The following LARP4 variants were observed in gnomAD, a reference collection of about 807,000 sequenced individuals.
LARP4 encodes La ribonucleoprotein 4.
Under a neutral mutation model 92.9 loss-of-function variants are expected in LARP4, and 29 were observed. That is an observed-to-expected ratio of 0.31 (90% CI 0.23 to 0.43). LARP4 has a LOEUF of 0.43. LARP4 is among the 20% of genes least tolerant of loss of function. The pLI, the probability that LARP4 is intolerant of heterozygous loss-of-function variation, is 1.00. For missense variants in LARP4, 732 were observed against 860.0 expected, an observed-to-expected ratio of 0.85 and a Z score of 1.86; for synonymous variants, 279 against 284.1, an observed-to-expected ratio of 0.98 and a Z score of 0.18.
intron 3 of LARP4, 82 bp downstream of exon 3, chr12:50,429,172 T>A (rs1949261721): frequency 1.1e-6 from 1 of 926,992 alleles, no homozygotes; most frequent in Non-Finnish European, 1.7e-6. Context: ...CTTGTTCTGA[T>A]AAACCTATGG....
intron 12 of LARP4, among the ~76,000 whole-genome samples, 166 bp downstream of exon 12, chr12:50,462,796 A>G (rs1016055759): frequency 8.5e-5 from 13 of 152,110 alleles, no homozygotes; most frequent in Admixed American, 7.9e-4. Context: ...CACCACCCAT[A>G]TACCCACCCT....
At chr12:50,441,702 TA>T (rs762317976) in intron 8 of LARP4, 59 bp downstream of exon 8, 122 of 1,225,072 alleles carry the variant, frequency 1.0e-4, no homozygotes, top group Non-Finnish European at 1.4e-4. Flanking sequence ...TATGAGAATT[TA>T]AAAAATACAG....
At chr12:50,411,131 A>G (rs1179958606) in intron 1 of LARP4, among the ~76,000 whole-genome samples, 1 of 151,086 alleles carries the variant, frequency 6.6e-6, no homozygotes, top group South Asian at 2.1e-4. Context: ...TACAGTAGAA[A>G]CTCTACCCCT....
chr12:50,428,902 C>G (rs756104218), intron 2 of LARP4, 33 bp from the exon 3 acceptor site: 1 of 1,501,618 alleles, frequency 6.7e-7, no homozygotes, highest in Non-Finnish European at 9.0e-7. Context: ...TTAAATAATT[C>G]CCATTTACTT....
At chr12:50,422,527 A>AT (rs1444231499) in intron 1 of LARP4, among the ~76,000 whole-genome samples, 1 of 151,978 alleles carries the variant, frequency 6.6e-6, no homozygotes, top group Non-Finnish European at 1.5e-5. Context: ...ATAAACAGCA[A>AT]TTTTTTCTTT....
chr12:50,447,204 C>T (rs542009866), intron 8 of LARP4, among the ~76,000 whole-genome samples: 110 of 152,058 alleles, frequency 7.2e-4, no homozygotes, highest in Non-Finnish European at 1.4e-3. Flanking sequence ...TTTGGATTTT[C>T]GGATTTGGGA....
intron 2 of LARP4, among the ~76,000 whole-genome samples, chr12:50,428,200 G>T (rs902043682): frequency 1.4e-4 from 21 of 151,798 alleles, no homozygotes; most frequent in Admixed American, 2.0e-4. Flanking sequence ...GCTAATTTTT[G>T]TATTTTTAGT....
At chr12:50,428,904 C>G (rs1949217870) in intron 2 of LARP4, 31 bp from the exon 3 acceptor site, 1 of 1,506,378 alleles carries the variant, frequency 6.6e-7, no homozygotes, top group Non-Finnish European at 8.9e-7. Context: ...AAATAATTCC[C>G]ATTTACTTTC....
Position 50,453,812 on chromosome 12 carries a change from T to C in LARP4, c.1017+140T>C, listed in dbSNP as rs551762165. ...TATTTTATTTTATTTTTTGTATTTT[T>C]CGTAGAGATGGAATTTTGCCATGTT... is the stretch of plus-strand genomic sequence containing the variant. On this transcript the variant is annotated intron_variant, in intron 9 of 15. Coordinates refer to ENST00000398473, the MANE Select transcript of LARP4 (RefSeq NM_052879.5). The C allele has an allele frequency of 8.3e-5, 50 of 601,462 alleles. 2 individuals are homozygous for C. In the South Asian group the frequency reaches 1.4e-3, roughly 16 times the overall value. The allele number at this position is 601,462 out of a possible 1,614,324, so 37.3% of individuals were successfully genotyped here. A position where few individuals can be genotyped will look rare whatever the true frequency, so the allele number is the denominator to read the frequency against.
chr12:50,431,029 A>G (rs113919590), intron 4 of LARP4, among the ~76,000 whole-genome samples: 16,501 of 152,036 alleles, frequency 0.11, 1,764 homozygotes, highest in East Asian at 0.45. Flanking sequence ...GCACTTTGGG[A>G]GGCTTCGGTG....
At chr12:50,460,929 G>A (rs938157521) in intron 10 of LARP4, among the ~76,000 whole-genome samples, 10 of 152,078 alleles carry the variant, frequency 6.6e-5, no homozygotes, top group African/African-American at 1.7e-4. Flanking sequence ...GCAACAGAGC[G>A]AGACTCCATC....
intron 1 of LARP4, among the ~76,000 whole-genome samples, chr12:50,423,698 T>C (rs1948238479): frequency 6.6e-6 from 1 of 151,636 alleles, no homozygotes; most frequent in Admixed American, 6.6e-5. Flanking sequence ...CTGCCTGCCT[T>C]GGCCTCCCAA....
chr12:50,473,863 G>T (rs1334173752), intron 14 of LARP4, 136 bp from the exon 15 acceptor site: 7 of 604,188 alleles, frequency 1.2e-5, no homozygotes, highest in African/African-American at 9.3e-5. Context: ...TGAGCCAAGA[G>T]CATGCCACTA....
At chr12:50,474,529 A>T (rs143334792) in intron 15 of LARP4, among the ~76,000 whole-genome samples, 1 of 152,116 alleles carries the variant, frequency 6.6e-6, no homozygotes, top group Non-Finnish European at 1.5e-5. Context: ...TTGTATTTTT[A>T]GTAGAGACGG....
chr12:50,421,156 G>A (rs961725602), intron 1 of LARP4: 4 of 227,580 alleles, frequency 1.8e-5, no homozygotes, highest in Non-Finnish European at 2.9e-5. Context: ...GCTGTATGTT[G>A]GCTAGGCTGG....
At position 50,478,730 on chromosome 12, in the gene LARP4, G is replaced by T. The variant is rs1957700567; in HGVS notation, c.*2866G>T. ...GGTACATAGAGACATTGCAAAACCT[G>T]TCTCCATTTGCTATCCTGATAATTA... On this transcript the variant is annotated 3_prime_UTR_variant, in exon 16 of 16. Coordinates refer to ENST00000398473, the MANE Select transcript of LARP4 (RefSeq NM_052879.5). The T allele has an allele frequency of 6.6e-6, 1 of 152,070 alleles. No homozygotes were observed. The highest frequency in any genetic ancestry group is 1.5e-5 in the Non-Finnish European group (1 of 67,980). The allele number at this position is 152,070 out of a possible 1,614,324, so 9.4% of individuals were successfully genotyped here.
At chr12:50,411,030 T>A (rs2136397250) in intron 1 of LARP4, among the ~76,000 whole-genome samples, 1 of 152,224 alleles carries the variant, frequency 6.6e-6, no homozygotes, top group South Asian at 2.1e-4. Context: ...TTCGGGAGGT[T>A]GGTGGAAACA....
In LARP4 at chr12:50,409,042, G is replaced by A. The variant is rs560149290; in HGVS notation, c.18+8014G>A. ...TAAATTTATAGGGCAGAAAGTTGCA[G>A]TTGAGCAAGATAATGAAAATAGGAT... On this transcript the variant is annotated intron_variant, in intron 1 of 15. Coordinates refer to ENST00000398473, the MANE Select transcript of LARP4 (RefSeq NM_052879.5). Among the ~76,000 whole-genome samples the A allele has an allele frequency of 2.6e-5, 4 of 152,136 alleles. No homozygotes were observed. The East Asian group carries it at 5.8e-4, about 22-fold the overall frequency.
intron 8 of LARP4, among the ~76,000 whole-genome samples, chr12:50,444,116 G>A (rs1403947851): frequency 1.3e-5 from 2 of 151,994 alleles, no homozygotes; most frequent in African/African-American, 4.8e-5. Context: ...TCAATTTATT[G>A]GTTAAATTGG....
Sources: allele counts gnomAD v4.1 joint callset (sites outside exome capture counted in the v4.1 genomes callset), GRCh38; gene constraint gnomAD v4.1.1; transcripts MANE v1.5; gene names NCBI Gene and HGNC (gene_info 2026-07-23, HGNC 2026-07-21).